Variants in STXBP5L observed in about 807,000 individuals in gnomAD.
STXBP5L encodes syntaxin-binding protein 5-like.
In STXBP5L, 65 loss-of-function variants were observed where a neutral mutation model predicts 144.5. That is an observed-to-expected ratio of 0.45 (90% CI 0.37 to 0.55). STXBP5L has a LOEUF of 0.55. STXBP5L is among the 20% of genes least tolerant of loss of function. The probability of loss-of-function intolerance (pLI) is 0.00; values close to 1 mark genes in which losing one functional copy is unlikely to be tolerated. For missense variants in STXBP5L, 1,298 were observed against 1,405.5 expected (o/e 0.92, Z 1.22); for synonymous variants, 505 against 469.6 (o/e 1.08, Z -0.97).
chr3:121,392,090 T>A (rs2046602869), intron 22 of STXBP5L, among the ~76,000 whole-genome samples: 1 of 152,158 alleles, frequency 6.6e-6, no homozygotes. Context: ...TTTGTTTACC[T>A]ACTCAAGCCT....
At chr3:121,342,930 C>T (rs1018837822) in intron 20 of STXBP5L, among the ~76,000 whole-genome samples, 1 of 150,156 alleles carries the variant, frequency 6.7e-6, no homozygotes, top group African/African-American at 2.5e-5. Context: ...ACACTGACTT[C>T]CACAATGGTT....
chr3:121,363,695 G>A (rs577685378), intron 20 of STXBP5L, among the ~76,000 whole-genome samples: 111 of 152,046 alleles, frequency 7.3e-4, no homozygotes, highest in African/African-American at 2.5e-3. Flanking sequence ...CTAATGATAT[G>A]AAGTTAAAAC....
chr3:121,310,429 TG>T (rs1374830068), intron 19 of STXBP5L, among the ~76,000 whole-genome samples: 1 of 151,808 alleles, frequency 6.6e-6, no homozygotes, highest in African/African-American at 2.4e-5. Flanking sequence ...GCTAACACGG[TG>T]AAACCCCGTC....
intron 22 of STXBP5L, among the ~76,000 whole-genome samples, chr3:121,394,482 C>T (rs537532119): frequency 6.6e-6 from 1 of 151,242 alleles, no homozygotes; most frequent in Admixed American, 6.6e-5. Flanking sequence ...TTATCTTGTT[C>T]CAGTTTTTAG....
chr3:121,260,048 A>G (rs748167954), intron 18 of STXBP5L, among the ~76,000 whole-genome samples: 3 of 152,064 alleles, frequency 2.0e-5, no homozygotes, highest in Non-Finnish European at 4.4e-5. Flanking sequence ...GTTGTGTCAA[A>G]CTATACTCCC....
intron 2 of STXBP5L, among the ~76,000 whole-genome samples, chr3:120,931,748 C>T (rs1709951693): frequency 6.6e-6 from 1 of 152,166 alleles, no homozygotes; most frequent in African/African-American, 2.4e-5. Context: ...ACAATCCCTG[C>T]AGCAACCAGT....
At chr3:121,381,743 G>A (rs1027981514) in intron 22 of STXBP5L, among the ~76,000 whole-genome samples, 5 of 151,976 alleles carry the variant, frequency 3.3e-5, no homozygotes, top group African/African-American at 1.2e-4. Context: ...CATTTCTTCG[G>A]TAGTAAACTG....
At chr3:121,075,570 A>T in intron 5 of STXBP5L, among the ~76,000 whole-genome samples, 1 of 152,298 alleles carries the variant, frequency 6.6e-6, no homozygotes, top group East Asian at 1.9e-4. Context: ...TGGCTTACAA[A>T]TGCCGCATTA....
At chr3:121,034,837 C>G (rs191890155) in intron 3 of STXBP5L, among the ~76,000 whole-genome samples, 10 of 152,268 alleles carry the variant, frequency 6.6e-5, no homozygotes, top group African/African-American at 2.2e-4. Flanking sequence ...TATTTTCCCA[C>G]CAACAATGTG....
intron 5 of STXBP5L, among the ~76,000 whole-genome samples, chr3:121,048,923 T>G (rs1175735150): frequency 6.6e-6 from 1 of 152,128 alleles, no homozygotes; most frequent in Non-Finnish European, 1.5e-5. Flanking sequence ...GGCTGTGTTG[T>G]GCTAGAGGTT....
chr3:120,927,513 T>C (rs1258040220), intron 2 of STXBP5L, among the ~76,000 whole-genome samples: 1 of 152,194 alleles, frequency 6.6e-6, no homozygotes, highest in Non-Finnish European at 1.5e-5. Context: ...AGGGCTCCTG[T>C]TAGGGAACCC....
chr3:121,184,376 T>G (rs1167820133), intron 9 of STXBP5L, among the ~76,000 whole-genome samples: 1 of 151,570 alleles, frequency 6.6e-6, no homozygotes, highest in Admixed American at 6.6e-5. Context: ...ATACATGGCC[T>G]GATGGAGCTG....
At chr3:121,381,262 T>C in intron 21 of STXBP5L, 31 bp from the exon 22 acceptor site, 1 of 1,477,228 alleles carries the variant, frequency 6.8e-7, no homozygotes. Flanking sequence ...TACTAACAAT[T>C]TGTGTGGTTT....
At chr3:121,213,993 T>C (rs2048681169) in intron 10 of STXBP5L, among the ~76,000 whole-genome samples, 1 of 152,178 alleles carries the variant, frequency 6.6e-6, no homozygotes, top group Non-Finnish European at 1.5e-5. Flanking sequence ...TTTATTTGCA[T>C]AGAGGTGCTT....
At chr3:121,377,159 T>G (rs2046208090) in intron 20 of STXBP5L, among the ~76,000 whole-genome samples, 4 of 152,170 alleles carry the variant, frequency 2.6e-5, no homozygotes, top group Admixed American at 1.3e-4. Flanking sequence ...AAATATACAA[T>G]CATGTCATCT....
chr3:121,051,176 C>G (rs562427900), intron 5 of STXBP5L, among the ~76,000 whole-genome samples: 2 of 152,010 alleles, frequency 1.3e-5, no homozygotes, highest in South Asian at 2.1e-4. Flanking sequence ...GACAGATCAA[C>G]GAGACAGAAA....
intron 3 of STXBP5L, among the ~76,000 whole-genome samples, chr3:120,991,523 C>G (rs538588170): frequency 6.6e-6 from 1 of 152,364 alleles, no homozygotes; most frequent in Admixed American, 6.5e-5. Flanking sequence ...TATAAAGACA[C>G]ATGCACATGT....
chr3:121,019,886 C>T (rs917717871), intron 3 of STXBP5L, among the ~76,000 whole-genome samples: 3 of 152,138 alleles, frequency 2.0e-5, no homozygotes, highest in Non-Finnish European at 4.4e-5. Flanking sequence ...CCCAAAAGAT[C>T]ACACTAGCTC....
intron 5 of STXBP5L, among the ~76,000 whole-genome samples, chr3:121,078,002 A>G (rs2042093915): frequency 6.6e-6 from 1 of 152,200 alleles, no homozygotes; most frequent in South Asian, 2.1e-4. Flanking sequence ...GTACATTCAC[A>G]AACCCTGAGC....
Sources: allele counts gnomAD v4.1 joint callset (sites outside exome capture counted in the v4.1 genomes callset), GRCh38; gene constraint gnomAD v4.1.1; transcripts MANE v1.5; gene names NCBI Gene and HGNC (gene_info 2026-07-23, HGNC 2026-07-21).